Variants in FSTL5 observed in about 807,000 individuals in gnomAD.
FSTL5 encodes follistatin like 5.
FSTL5 carries 62 observed loss-of-function variants against 89.1 expected under a neutral mutation model. That is an observed-to-expected ratio of 0.70 (90% CI 0.57 to 0.86). The LOEUF (loss-of-function observed/expected upper bound fraction) is 0.86, where lower values mean the gene tolerates loss of function less well. Ranked by LOEUF, FSTL5 falls within the 40% of genes least tolerant of loss-of-function variation. The pLI, the probability that FSTL5 is intolerant of heterozygous loss-of-function variation, is 0.00. For missense variants in FSTL5, 1,057 were observed against 1,001.6 expected, an observed-to-expected ratio of 1.06 and a Z score of -0.75; for synonymous variants, 383 against 346.2, an observed-to-expected ratio of 1.11 and a Z score of -1.18.
intron 6 of FSTL5, among the ~76,000 whole-genome samples, chr4:161,666,993 T>C (rs1436297489): frequency 3.3e-5 from 5 of 152,038 alleles, no homozygotes; most frequent in Non-Finnish European, 1.5e-5. Flanking sequence ...AATTGAAATA[T>C]TGTTTTTTAT....
At chr4:161,898,874 C>T (rs1733259475) in intron 4 of FSTL5, among the ~76,000 whole-genome samples, 1 of 152,006 alleles carries the variant, frequency 6.6e-6, no homozygotes, top group African/African-American at 2.4e-5. Context: ...AATGATCCGC[C>T]CGCCTCAGCA....
chr4:161,659,992 G>A (rs1047003785), intron 6 of FSTL5, among the ~76,000 whole-genome samples: 18 of 152,224 alleles, frequency 1.2e-4, no homozygotes, highest in African/African-American at 4.3e-4. Flanking sequence ...GTCACCTGGT[G>A]CCCTAGCAAA....
chr4:161,812,211 C>A (rs1208871370), intron 4 of FSTL5, among the ~76,000 whole-genome samples: 2 of 152,164 alleles, frequency 1.3e-5, no homozygotes, highest in Non-Finnish European at 2.9e-5. Context: ...AAAATAGTTT[C>A]TGGGACAAAT....
intron 4 of FSTL5, among the ~76,000 whole-genome samples, chr4:161,793,613 A>AT (rs5863486): frequency 0.98 from 144,849 of 147,532 alleles, 71,129 homozygotes; most frequent in South Asian, 1. Context: ...CCATGTTGTC[A>AT]TTTTTTTTTT....
rs557028363 is a variant in FSTL5, at chr4:161,544,938, CT to C, written c.1016-2246del. On this transcript the variant is annotated intron_variant, in intron 8 of 15. Coordinates refer to ENST00000306100, the MANE Select transcript of FSTL5 (RefSeq NM_020116.5). ...AACTAGTGATGAATACAATCTGAAA[CT>C]TTTTTCAATTATATAATCATTGATA... Among the ~76,000 whole-genome samples, 697 of 151,906 alleles carry C rather than the reference CT, an allele frequency of 4.6e-3. 3 individuals carry two copies. The highest frequency in any genetic ancestry group is 0.013 in the African/African-American group (558 of 41,464).
intron 15 of FSTL5, among the ~76,000 whole-genome samples, chr4:161,394,616 T>C (rs947839901): frequency 6.6e-6 from 1 of 152,166 alleles, no homozygotes; most frequent in Admixed American, 6.5e-5. Flanking sequence ...AGGTTACACA[T>C]ATGATCAATA....
intron 3 of FSTL5, among the ~76,000 whole-genome samples, chr4:161,996,372 G>A (rs1336970393): frequency 6.6e-6 from 1 of 152,126 alleles, no homozygotes; most frequent in African/African-American, 2.4e-5. Flanking sequence ...CCAGGCACTT[G>A]TGAGTCATCT....
At chr4:161,972,458 T>C (rs1312726345) in intron 3 of FSTL5, among the ~76,000 whole-genome samples, 1 of 152,194 alleles carries the variant, frequency 6.6e-6, no homozygotes, top group Non-Finnish European at 1.5e-5. Context: ...GACTTTGTCT[T>C]GCTTGCTTTG....
chr4:162,074,601 T>C (rs1729761866), intron 2 of FSTL5, among the ~76,000 whole-genome samples: 1 of 151,788 alleles, frequency 6.6e-6, no homozygotes, highest in African/African-American at 2.4e-5. Context: ...ATATGAACTT[T>C]GTGTAAGCAA....
intron 7 of FSTL5, among the ~76,000 whole-genome samples, chr4:161,640,588 C>A (rs991223853): frequency 6.6e-6 from 1 of 152,022 alleles, no homozygotes; most frequent in Non-Finnish European, 1.5e-5. Flanking sequence ...TGAACTTGAA[C>A]CTAAGATAGT....
At chr4:161,402,451 C>G (rs2110910625) in intron 15 of FSTL5, among the ~76,000 whole-genome samples, 1 of 152,208 alleles carries the variant, frequency 6.6e-6, no homozygotes, top group Admixed American at 6.5e-5. Flanking sequence ...ATTGTGTTTT[C>G]TTTTCAGAAT....
At chr4:161,491,932 C>G (rs1440196712) in intron 12 of FSTL5, among the ~76,000 whole-genome samples, 1 of 151,532 alleles carries the variant, frequency 6.6e-6, no homozygotes, top group Non-Finnish European at 1.5e-5. Flanking sequence ...CAATATAGTT[C>G]TGCTGCCAGT....
chr4:161,542,419 C>T, intron 9 of FSTL5, 113 bp downstream of exon 9: 1 of 550,940 alleles, frequency 1.8e-6, no homozygotes, highest in Non-Finnish European at 2.9e-6. Context: ...ATATTTGTGA[C>T]ATTCTGTTGC....
intron 7 of FSTL5, among the ~76,000 whole-genome samples, chr4:161,627,936 T>C (rs1325103599): frequency 6.6e-6 from 1 of 152,108 alleles, no homozygotes; most frequent in East Asian, 1.9e-4. Context: ...TCAATATAAC[T>C]CATTTCTCAT....
intron 12 of FSTL5, among the ~76,000 whole-genome samples, chr4:161,493,319 T>G (rs1219863739): frequency 6.6e-6 from 1 of 151,796 alleles, no homozygotes; most frequent in Non-Finnish European, 1.5e-5. Context: ...ATATTTAATA[T>G]TGATAATACA....
intron 3 of FSTL5, among the ~76,000 whole-genome samples, chr4:162,021,947 T>C (rs1410902627): frequency 1.3e-5 from 2 of 151,656 alleles, no homozygotes. Context: ...AAAAATTAGG[T>C]AGGTGTGGTG....
intron 7 of FSTL5, among the ~76,000 whole-genome samples, chr4:161,632,486 A>T (rs115140503): frequency 2.5e-3 from 382 of 152,336 alleles, no homozygotes; most frequent in Non-Finnish European, 4.1e-3. Context: ...AGTCCTAAAA[A>T]TATGTATCAT....
chr4:161,956,380 T>C (rs1253739733), intron 3 of FSTL5, among the ~76,000 whole-genome samples: 1 of 151,854 alleles, frequency 6.6e-6, no homozygotes, highest in Non-Finnish European at 1.5e-5. Context: ...GCACCTATTA[T>C]ATAAAAATAC....
intron 10 of FSTL5, among the ~76,000 whole-genome samples, chr4:161,520,139 T>C (rs1245998625): frequency 6.6e-6 from 1 of 151,992 alleles, no homozygotes; most frequent in Non-Finnish European, 1.5e-5. Flanking sequence ...ATTAGAGAAG[T>C]AGACTACTTA....
Sources: allele counts gnomAD v4.1 joint callset (sites outside exome capture counted in the v4.1 genomes callset), GRCh38; gene constraint gnomAD v4.1.1; transcripts MANE v1.5; gene names NCBI Gene and HGNC (gene_info 2026-07-23, HGNC 2026-07-21).